The following CTNNA3 variants were observed in gnomAD, a reference collection of about 807,000 sequenced individuals.
The protein encoded by CTNNA3 is catenin alpha 3.
A neutral mutation model predicts 95.7 loss-of-function variants in CTNNA3; 76 were observed. That is an observed-to-expected ratio of 0.79 (90% CI 0.66 to 0.96). The LOEUF (loss-of-function observed/expected upper bound fraction) is 0.96, where lower values mean the gene tolerates loss of function less well. Ranked by LOEUF, CTNNA3 falls within the 40% of genes least tolerant of loss-of-function variation. CTNNA3 has a pLI of 0.00. For synonymous variants in CTNNA3, 431 were observed against 374.4 expected, an observed-to-expected ratio of 1.15 and a Z score of -1.74; for missense variants, 1,191 against 1,089.8, an observed-to-expected ratio of 1.09 and a Z score of -1.31.
chr10:66,294,306 T>A (rs1249173951), intron 12 of CTNNA3, among the ~76,000 whole-genome samples: 1 of 152,072 alleles, frequency 6.6e-6, no homozygotes, highest in Non-Finnish European at 1.5e-5. Flanking sequence ...CCAATGAGAG[T>A]GTCTCAGGAA....
In CTNNA3 at chr10:67,235,680, A is replaced by C. The variant is rs372926126; in HGVS notation, c.580-15810T>G. Among the ~76,000 whole-genome samples the C allele has an allele frequency of 4.3e-4, 61 of 142,880 alleles. 4 individuals are homozygous for C. The highest frequency in any genetic ancestry group is 1.3e-3 in the African/African-American group (48 of 36,978). 93.7% of individuals were successfully genotyped at this position (142,880 alleles called of 152,430 possible). Reference sequence around the variant, plus strand: ...TTGACAAATGGGATCTAATTAAACTAAAGAGCTTCTGCACAGCAAAAGAAA... The same window carrying C: ...TTGACAAATGGGATCTAATTAAACTCAAGAGCTTCTGCACAGCAAAAGAAA... On this transcript the variant is annotated intron_variant, in intron 5 of 17. Coordinates refer to ENST00000433211, the MANE Select transcript of CTNNA3 (RefSeq NM_013266.4).
intron 17 of CTNNA3, among the ~76,000 whole-genome samples, chr10:65,963,293 C>G (rs1458263620): frequency 2.0e-5 from 3 of 152,116 alleles, no homozygotes; most frequent in Admixed American, 6.5e-5. Context: ...CCAAAAGTAC[C>G]AAGGAAAGTT....
chr10:66,577,334 G>T (rs1843037954), intron 10 of CTNNA3, among the ~76,000 whole-genome samples: 1 of 152,024 alleles, frequency 6.6e-6, no homozygotes, highest in African/African-American at 2.4e-5. Context: ...AAGTTAATTA[G>T]GTCCTTCTTG....
At chr10:66,898,802 G>A (rs1488113335) in intron 7 of CTNNA3, among the ~76,000 whole-genome samples, 3 of 152,036 alleles carry the variant, frequency 2.0e-5, no homozygotes, top group Non-Finnish European at 4.4e-5. Context: ...TTGGCAATGG[G>A]GCAATGATCT....
intron 15 of CTNNA3, among the ~76,000 whole-genome samples, chr10:66,052,248 C>T (rs1230299389): frequency 6.6e-6 from 1 of 152,080 alleles, no homozygotes; most frequent in African/African-American, 2.4e-5. Flanking sequence ...CCCAATTGAC[C>T]AGTGAAATCA....
At chr10:67,296,443 AC>A (rs1307873360) in intron 5 of CTNNA3, among the ~76,000 whole-genome samples, 1 of 152,244 alleles carries the variant, frequency 6.6e-6, no homozygotes, top group Non-Finnish European at 1.5e-5. Flanking sequence ...TTATGGGTAT[AC>A]CATGGAGATG....
intron 13 of CTNNA3, among the ~76,000 whole-genome samples, chr10:66,264,639 C>G (rs2091101505): frequency 6.6e-6 from 1 of 151,892 alleles, no homozygotes; most frequent in Non-Finnish European, 1.5e-5. Flanking sequence ...CATGGCACAT[C>G]TCATTTCACA....
intron 7 of CTNNA3, among the ~76,000 whole-genome samples, chr10:66,783,068 C>A (rs1287265154): frequency 2.6e-5 from 4 of 152,092 alleles, no homozygotes; most frequent in Non-Finnish European, 4.4e-5. Context: ...TTAGAGTTCT[C>A]TGTTGGTATC....
At chr10:67,499,561 C>T (rs1839160855) in intron 5 of CTNNA3, among the ~76,000 whole-genome samples, 1 of 152,120 alleles carries the variant, frequency 6.6e-6, no homozygotes, top group Admixed American at 6.5e-5. Flanking sequence ...CCGTCTGGTC[C>T]TGGGCTTTTT....
chr10:66,032,768 T>G (rs1027636055), intron 15 of CTNNA3, among the ~76,000 whole-genome samples: 2 of 152,212 alleles, frequency 1.3e-5, no homozygotes, highest in African/African-American at 4.8e-5. Context: ...AATATAAACA[T>G]GAAGATACTA....
intron 15 of CTNNA3, among the ~76,000 whole-genome samples, chr10:66,040,322 T>A (rs761793999): frequency 6.6e-6 from 1 of 152,066 alleles, no homozygotes. Flanking sequence ...GTGTGACAAT[T>A]CCTCAAAGAA....
chr10:66,069,131 T>G (rs1382473246), intron 15 of CTNNA3, among the ~76,000 whole-genome samples, 177 bp downstream of exon 15: 1 of 152,164 alleles, frequency 6.6e-6, no homozygotes, highest in African/African-American at 2.4e-5. Flanking sequence ...ACTTGCCATA[T>G]TTATTTATCG....
chr10:67,091,324 A>G (rs1350811226), intron 7 of CTNNA3, among the ~76,000 whole-genome samples: 1 of 151,994 alleles, frequency 6.6e-6, no homozygotes, highest in Non-Finnish European at 1.5e-5. Flanking sequence ...GAATTTAAAG[A>G]CAGTGTGATA....
chr10:66,542,331 T>C (rs10822843), intron 10 of CTNNA3, among the ~76,000 whole-genome samples: 139,778 of 151,756 alleles, frequency 0.92, 64,564 homozygotes, highest in East Asian at 0.98. Context: ...GACAGTGTGG[T>C]GATTCCTCAG....
intron 7 of CTNNA3, among the ~76,000 whole-genome samples, chr10:66,789,509 A>G (rs751154568): frequency 2.8e-4 from 42 of 152,144 alleles, no homozygotes; most frequent in Non-Finnish European, 5.1e-4. Context: ...GAAAGCCAAG[A>G]TGCATAGATT....
Position 67,023,137 on chromosome 10 carries a change from A to C in CTNNA3, c.1047+157180T>G, listed in dbSNP as rs187644131. 8.6e-3 allele frequency among the ~76,000 whole-genome samples: 1,310 copies of C among 152,274 alleles called. 17 individuals carry two copies. Among genetic ancestry groups the C allele is most frequent in the South Asian group, 0.039 (190 of 4,822 alleles). On this transcript the variant is annotated intron_variant, in intron 7 of 17. Transcript: ENST00000433211. Reference sequence around the variant, plus strand: ...GGTAGACTTTTTGTAGAAATTGACAAGTAGATTCTAATATTTATGTGGAAA... The same window carrying C: ...GGTAGACTTTTTGTAGAAATTGACACGTAGATTCTAATATTTATGTGGAAA...
At chr10:66,988,839 C>T (rs1425836198) in intron 7 of CTNNA3, among the ~76,000 whole-genome samples, 1 of 151,930 alleles carries the variant, frequency 6.6e-6, no homozygotes, top group Non-Finnish European at 1.5e-5. Context: ...TTTCCTGAAA[C>T]TCTGCCCTCC....
intron 10 of CTNNA3, among the ~76,000 whole-genome samples, chr10:66,611,463 A>G (rs1348066547): frequency 2.0e-5 from 3 of 152,124 alleles, no homozygotes; most frequent in Admixed American, 2.0e-4. Context: ...TGATAGTAAA[A>G]AGAATGGTAG....
At chr10:66,313,877 A>T (rs1347405948) in intron 12 of CTNNA3, among the ~76,000 whole-genome samples, 4 of 152,146 alleles carry the variant, frequency 2.6e-5, no homozygotes, top group African/African-American at 9.7e-5. Flanking sequence ...GGGTCAGAAA[A>T]ATAATGAATA....
Sources: allele counts gnomAD v4.1 joint callset (sites outside exome capture counted in the v4.1 genomes callset), GRCh38; gene constraint gnomAD v4.1.1; transcripts MANE v1.5; gene names NCBI Gene and HGNC (gene_info 2026-07-23, HGNC 2026-07-21).